MAP4K1: variants seen among roughly 807,000 people sequenced by gnomAD.
MAP4K1 encodes the protein MAPK/ERK kinase kinase kinase 1.
MAP4K1 carries 35 observed loss-of-function variants against 122.8 expected under a neutral mutation model. The observed-to-expected ratio is 0.29, with a 90% CI of 0.22 to 0.38. MAP4K1 has a LOEUF of 0.38. Ranked by LOEUF, MAP4K1 falls within the 10% of genes least tolerant of loss-of-function variation. The probability of loss-of-function intolerance (pLI) is 1.00; values close to 1 mark genes in which losing one functional copy is unlikely to be tolerated. For synonymous variants in MAP4K1, 412 were observed against 421.3 expected (o/e 0.98, Z 0.27); for missense variants, 791 against 1,072.6 (o/e 0.74, Z 3.67).
chr19:38,603,191 T>TATACATATATACAC (rs1255973218), intron 19 of MAP4K1, among the ~76,000 whole-genome samples: 5 of 149,358 alleles, frequency 3.3e-5, no homozygotes, highest in African/African-American at 9.9e-5. Context: ...TATATACGCA[T>TATACATATATACAC]ATACATATAT....
chr19:38,613,881 A>C lies in MAP4K1; in HGVS notation c.532T>G (p.Trp178Gly). Residue 178 changes from tryptophan to glycine, a missense_variant and splice_region_variant, in exon 8 of 31, where the codon TGG becomes GGG. Physicochemically the swap from Trp to Gly is radical, Grantham distance 184 (BLOSUM62 -2). Around this residue, in one of 4 missense-constraint regions of MAP4K1, gnomAD observed 163 missense variants for 286.1 expected, o/e 0.57. Coordinates refer to ENST00000396857, the MANE Select transcript of MAP4K1 (RefSeq NM_001042600.3). The stretch of plus-strand genomic sequence containing the variant: ...AGCTGCCCGCTGGGCGCCACTCACC[A>C]GTAGGGTGTCCCAATGAAAGAGAGG... Reference protein sequence around the residue: ...RRLSFIGTPYWMAPEVAAVAL... With the variant: ...RRLSFIGTPYGMAPEVAAVAL... The C allele has an allele frequency of 6.2e-7, 1 of 1,607,170 alleles. No homozygotes were observed. Among genetic ancestry groups the C allele is most frequent in the Non-Finnish European group, 8.5e-7 (1 of 1,177,140 alleles).
chr19:38,616,342 G>T, intron 3 of MAP4K1, 83 bp from the exon 4 acceptor site: 2 of 1,068,412 alleles, frequency 1.9e-6, no homozygotes, highest in Non-Finnish European at 2.7e-6. Flanking sequence ...CTTCTGTCTT[G>T]TTCTAGTTCA....
At chr19:38,591,771 G>T (rs1277124031) in intron 30 of MAP4K1, among the ~76,000 whole-genome samples, 5 of 151,974 alleles carry the variant, frequency 3.3e-5, no homozygotes, top group Non-Finnish European at 7.4e-5. Flanking sequence ...AGGGGTTCAA[G>T]AGCAGCCTGG....
chr19:38,589,284 C>T, intron 30 of MAP4K1: 2 of 262,296 alleles, frequency 7.6e-6, no homozygotes, highest in South Asian at 6.3e-5. Context: ...GCCTGGGGGA[C>T]AGAGTGAGAC....
At chr19:38,602,680 A>ATATACATATATACACATATACATG (rs1975122574) in intron 19 of MAP4K1, among the ~76,000 whole-genome samples, 1 of 149,208 alleles carries the variant, frequency 6.7e-6, no homozygotes. Context: ...ATATATACGC[A>ATATACATATATACACATATACATG]TATACATATA....
intron 30 of MAP4K1, chr19:38,589,359 G>A: frequency 4.5e-6 from 1 of 220,566 alleles, no homozygotes. Flanking sequence ...AAAATCTGAT[G>A]AGAAACAACG....
chr19:38,591,176 G>A (rs796527542), intron 30 of MAP4K1, among the ~76,000 whole-genome samples: 2 of 149,704 alleles, frequency 1.3e-5, no homozygotes, highest in African/African-American at 4.9e-5. Context: ...GGCAACAAGA[G>A]CGAAACTCTG....
In MAP4K1 at chr19:38,607,660, TA is replaced by T. The variant is rs568622552; in HGVS notation, c.1157+203del. On this transcript the variant is annotated intron_variant, in intron 16 of 30. Coordinates refer to ENST00000396857, the MANE Select transcript of MAP4K1 (RefSeq NM_001042600.3). ...GGGTCAGGGGTTGGAGGTGAAGGGT[TA>T]AGGGAGGTGGGGTTAGGGAACAGGG... Among the ~76,000 whole-genome samples, 30 of 150,290 alleles carry T rather than the reference TA, an allele frequency of 2.0e-4. No homozygotes were observed. In the East Asian group the frequency reaches 4.9e-3, roughly 25 times the overall value.
intron 19 of MAP4K1, among the ~76,000 whole-genome samples, chr19:38,603,052 GCATATACATATACA>G (rs1348419226): frequency 0.015 from 1,558 of 104,038 alleles, 220 homozygotes; most frequent in African/African-American, 0.057. Context: ...ACATATATAC[GCATATACATATACA>G]CATATACATA....
chr19:38,616,030 G>A (rs1423139685), intron 4 of MAP4K1, 165 bp downstream of exon 4: 13 of 420,572 alleles, frequency 3.1e-5, no homozygotes, highest in South Asian at 5.5e-5. Context: ...TCAGCACTTC[G>A]ACAGCTGAAG....
chr19:38,598,804 G>C (rs111313316), intron 22 of MAP4K1, among the ~76,000 whole-genome samples: 6 of 151,894 alleles, frequency 4.0e-5, no homozygotes, highest in African/African-American at 1.4e-4. Context: ...ACCAGGTCAG[G>C]AGTTCGAGAC....
At chr19:38,588,645 G>A (rs913293463) in intron 30 of MAP4K1, among the ~76,000 whole-genome samples, 3 of 151,934 alleles carry the variant, frequency 2.0e-5, no homozygotes. Context: ...CCAGCTACTC[G>A]GGAGGCTGAG....
chr19:38,596,562 C>T (rs1428356644), intron 25 of MAP4K1, 76 bp from the exon 26 acceptor site: 2 of 1,228,796 alleles, frequency 1.6e-6, no homozygotes, highest in South Asian at 1.6e-5. Flanking sequence ...TTGTAGCTGG[C>T]CTGGGACTTC....
chr19:38,595,300 A>G (rs886685790), intron 29 of MAP4K1, among the ~76,000 whole-genome samples, 185 bp downstream of exon 29: 9 of 152,190 alleles, frequency 5.9e-5, no homozygotes, highest in African/African-American at 2.2e-4. Flanking sequence ...AAATAAATAA[A>G]TAAATAAAAA....
chr19:38,596,394 GC>G lies in MAP4K1; in HGVS notation c.2033del (p.Ser678ThrfsTer26), dbSNP rs1974885300. ...GCACCGACTTCCCCGGCCGCCCGGG[GC>G]TCACGCCGATGCACACAGCGGGCAG... ...SELPAVCIGV[S>X]PGRPGKSVLF... On this transcript the variant is annotated frameshift_variant, in exon 26 of 31. Transcript: ENST00000396857. LOFTEE classifies it high-confidence loss of function. 6.3e-7 allele frequency: 1 copy of G among 1,596,374 alleles called. No individual in the cohort carries two copies. The highest frequency in any genetic ancestry group is 8.5e-7 in the Non-Finnish European group (1 of 1,175,006).
intron 4 of MAP4K1, 182 bp from the exon 5 acceptor site, chr19:38,614,627 A>C: frequency 1.5e-6 from 1 of 662,888 alleles, no homozygotes. Context: ...ATGCAAATAA[A>C]AGAGGCCAAT....
chr19:38,597,283 T>C lies in MAP4K1; in HGVS notation c.1837+43A>G, dbSNP rs568535380. 8 of 1,612,624 alleles carry C rather than the reference T, an allele frequency of 5.0e-6. No individual in the cohort carries two copies. Among genetic ancestry groups the C allele is most frequent in the South Asian group, 4.4e-5 (4 of 91,064 alleles). ...TGCAGTTCAAGCCCCTCCTCTGGCC[T>C]GGCCCCGCCCACTCTCTGCACACCC... On this transcript the variant is annotated intron_variant, in intron 24 of 30. Coordinates refer to ENST00000396857, the MANE Select transcript of MAP4K1 (RefSeq NM_001042600.3). The surrounding 1 kb of genome is among the most constrained non-coding windows in gnomAD (Gnocchi z 4.6).
chr19:38,612,776 G>A, intron 8 of MAP4K1, 34 bp from the exon 9 acceptor site: 1 of 1,608,314 alleles, frequency 6.2e-7, no homozygotes, highest in East Asian at 2.2e-5. Context: ...GCCAGAGGTG[G>A]CATGGGGACA....
intron 20 of MAP4K1, 78 bp downstream of exon 20, chr19:38,601,363 C>T: frequency 1.2e-5 from 16 of 1,347,192 alleles, no homozygotes; most frequent in Non-Finnish European, 1.6e-5. Flanking sequence ...GCCTTTGTGC[C>T]TTCCTTAGGC....
Sources: gnomAD v4.1 joint callset for allele counts (sites outside exome capture counted in the v4.1 genomes callset) on GRCh38, gnomAD v4.1.1 for gene constraint, gnomAD v4.1.1 regional missense constraint, Gnocchi (gnomAD v3.1) non-coding constraint, MANE v1.5 for transcripts, NCBI Gene and HGNC (gene_info 2026-07-23, HGNC 2026-07-21) for gene names.